The following DNAJC10 variants were observed in gnomAD, a reference collection of about 807,000 sequenced individuals.
DNAJC10 encodes DnaJ heat shock protein family (Hsp40) member C10, also known as endoplasmic reticulum disulfide reductase DNAJC10.
DNAJC10 carries 101 observed loss-of-function variants against 115.0 expected under a neutral mutation model. The observed-to-expected ratio is 0.88, with a 90% CI of 0.75 to 1.04. The LOEUF (loss-of-function observed/expected upper bound fraction) is 1.04. Ranked by LOEUF, DNAJC10 falls within the 50% of genes least tolerant of loss-of-function variation. The probability of loss-of-function intolerance (pLI) is 0.00; values close to 1 mark genes in which losing one functional copy is unlikely to be tolerated. For missense variants in DNAJC10, 981 were observed against 928.8 expected (o/e 1.06, Z -0.73); for synonymous variants, 307 against 301.5 (o/e 1.02, Z -0.19).
chr2:182,767,626 C>T, intron 22 of DNAJC10, among the ~76,000 whole-genome samples: 1 of 152,002 alleles, frequency 6.6e-6, no homozygotes, highest in South Asian at 2.1e-4. Context: ...GCAGTGAATG[C>T]CAAGAATGAG....
chr2:182,751,630 T>C, intron 14 of DNAJC10, 28 bp from the exon 15 acceptor site: 1 of 1,603,596 alleles, frequency 6.2e-7, no homozygotes, highest in Non-Finnish European at 8.5e-7. Context: ...AGAATTTGGA[T>C]TTGAATTTCT....
chr2:182,752,728 AAT>A, intron 16 of DNAJC10: 1 of 197,930 alleles, frequency 5.1e-6, no homozygotes, highest in African/African-American at 2.4e-5. Flanking sequence ...AAAAAAAAAA[AAT>A]CAATCCTATA....
At chr2:182,730,005 A>T in intron 8 of DNAJC10, 64 bp downstream of exon 8, 2 of 1,074,912 alleles carry the variant, frequency 1.9e-6, no homozygotes, top group Non-Finnish European at 1.4e-6. Context: ...TTTGTTTTTA[A>T]TGGCAATATT....
At chr2:182,747,208 A>G (rs1403396725) in intron 14 of DNAJC10, among the ~76,000 whole-genome samples, 5 of 150,664 alleles carry the variant, frequency 3.3e-5, no homozygotes, top group African/African-American at 1.2e-4. Flanking sequence ...TGACTTGGCA[A>G]TGCGGGCTCT....
intron 19 of DNAJC10, among the ~76,000 whole-genome samples, chr2:182,758,365 A>G (rs1559019709): frequency 6.6e-6 from 1 of 152,208 alleles, no homozygotes. Context: ...ACTCAAATGT[A>G]AGGTACATAT....
At chr2:182,739,967 G>C (rs1693689796) in intron 11 of DNAJC10, 6 of 996,050 alleles carry the variant, frequency 6.0e-6, no homozygotes, top group Non-Finnish European at 7.2e-6. Context: ...AGATAATGTG[G>C]TTTTTCTTGA....
chr2:182,729,903 T>C lies in DNAJC10; in HGVS notation c.689T>C (p.Met230Thr). The change falls in exon 8 of 24, where the codon ATG becomes ACG. Residue 230 changes from methionine to threonine, a missense_variant. Met to Thr is a moderately conservative substitution (Grantham distance 81). Transcript: ENST00000264065. ...AAGGAGAGTTTAGTGAGTTTTGCAA[T>C]GCAGCATGTTAGAAGTACAGTGACA... ...RSKESLVSFA[M>T]QHVRSTVTEL... 1 of 1,610,396 alleles carries C rather than the reference T, an allele frequency of 6.2e-7. No homozygotes were observed. Among genetic ancestry groups the C allele is most frequent in the Non-Finnish European group, 8.5e-7 (1 of 1,178,320 alleles).
In DNAJC10 at chr2:182,779,591, T is replaced by A. The variant is rs773940058; in HGVS notation, c.*2459T>A. The stretch of plus-strand genomic sequence containing the variant: ...AAGACCCCATCTCTAATAAATAAAT[T>A]ATGTTTTGGGCATTAATGATGTTTG... On this transcript the variant is annotated 3_prime_UTR_variant, in exon 24 of 24. Transcript: ENST00000264065. 5.9e-5 allele frequency: 9 copies of A among 152,160 alleles called. No individual in the cohort carries two copies. The highest frequency in any genetic ancestry group is 1.0e-4 in the Non-Finnish European group (7 of 68,026). The allele number at this position is 152,160 out of a possible 1,614,324, so 9.4% of individuals were successfully genotyped here.
At chr2:182,776,726 A>C (rs1055694484) in intron 23 of DNAJC10, among the ~76,000 whole-genome samples, 4 of 152,222 alleles carry the variant, frequency 2.6e-5, no homozygotes, top group Admixed American at 2.0e-4. Context: ...TCCACTGAAC[A>C]AACATGTTTT....
At chr2:182,728,722 GA>G (rs2105620374) in intron 6 of DNAJC10, 64 bp downstream of exon 6, 2 of 1,479,650 alleles carry the variant, frequency 1.4e-6, no homozygotes, top group South Asian at 2.5e-5. Flanking sequence ...TTATATGTTA[GA>G]ATTTTTTTTT....
chr2:182,724,892 A>G (rs1211342348), intron 5 of DNAJC10, among the ~76,000 whole-genome samples: 2 of 152,242 alleles, frequency 1.3e-5, no homozygotes, highest in African/African-American at 4.8e-5. Flanking sequence ...GTGCTCGATG[A>G]AGACAAAGTA....
rs921437531 is a variant in DNAJC10, at chr2:182,793,906, G to C, written c.*16774G>C. The C allele has an allele frequency of 1.3e-5, 2 of 151,068 alleles. No homozygotes were observed. The highest frequency in any genetic ancestry group is 2.9e-5 in the Non-Finnish European group (2 of 68,040). 9.4% of individuals were successfully genotyped at this position (151,068 alleles called of 1,614,324 possible). ...AACAATTAGAAAGTAATTGGAGCTT[G>C]AAGTATTCTAGAAGACTTTGGAGCA... On this transcript the variant is annotated 3_prime_UTR_variant, in exon 24 of 24. Transcript: ENST00000264065.
In DNAJC10 at chr2:182,755,072, C is replaced by A; in HGVS notation, c.1621C>A (p.His541Asn). Residue 541 changes from histidine (H) to asparagine (N), a missense_variant, in exon 17 of 24, where the codon CAC becomes AAC. Coordinates refer to ENST00000264065, the MANE Select transcript of DNAJC10 (RefSeq NM_018981.4). ...CAACATTCATGAGTATGAAGGACAT[C>A]ACTCTGCTGAACAAATCTTGGAGTT... ...QSNIHEYEGH[H>N]SAEQILEFIE... is the part of the protein sequence containing the mutation. The A allele has an allele frequency of 3.7e-6, 6 of 1,608,192 alleles. No individual in the cohort carries two copies. The highest frequency in any genetic ancestry group is 5.1e-6 in the Non-Finnish European group (6 of 1,174,886).
At position 182,778,993 on chromosome 2, in the gene DNAJC10, G is replaced by C. The variant is rs1694779188; in HGVS notation, c.*1861G>C. On this transcript the variant is annotated 3_prime_UTR_variant, in exon 24 of 24. Transcript: ENST00000264065. ...ATCTTCCAACTGTCTGTAATTCACT[G>C]TTTTGTCATTGAGCTCATAAGGTAC... 6.6e-6 allele frequency: 1 copy of C among 152,120 alleles called. No individual in the cohort carries two copies. 9.4% of individuals were successfully genotyped at this position (152,120 alleles called of 1,614,324 possible).
At chr2:182,756,993 T>C (rs766970319) in intron 18 of DNAJC10, among the ~76,000 whole-genome samples, 4 of 152,182 alleles carry the variant, frequency 2.6e-5, no homozygotes, top group Non-Finnish European at 1.5e-5. Context: ...ATTTACCTCA[T>C]ATTTGTTTCA....
In DNAJC10 at chr2:182,784,773, G is replaced by A. The variant is rs1694917246; in HGVS notation, c.*7641G>A. On this transcript the variant is annotated 3_prime_UTR_variant, in exon 24 of 24. Transcript: ENST00000264065. ...CTGCTAAAGTAGCACCTATTCTTTTGAAAGGAACTTTCTCAAAGGATTTTT... is the reference window on the plus strand; with the variant it reads ...CTGCTAAAGTAGCACCTATTCTTTTAAAAGGAACTTTCTCAAAGGATTTTT... 6.6e-6 allele frequency: 1 copy of A among 152,094 alleles called. No individual in the cohort carries two copies. The highest frequency in any genetic ancestry group is 1.5e-5 in the Non-Finnish European group (1 of 68,010). The allele number at this position is 152,094 out of a possible 1,614,324, so 9.4% of individuals were successfully genotyped here.
intron 5 of DNAJC10, 130 bp downstream of exon 5, chr2:182,722,205 A>G (rs1030436157): frequency 1.7e-6 from 1 of 592,334 alleles, no homozygotes; most frequent in Non-Finnish European, 3.0e-6. Flanking sequence ...AATATACTGT[A>G]TCTTAAATAT....
intron 4 of DNAJC10, among the ~76,000 whole-genome samples, 155 bp from the exon 5 acceptor site, chr2:182,721,869 AC>A (rs567208054): frequency 6.6e-6 from 1 of 152,138 alleles, no homozygotes; most frequent in Non-Finnish European, 1.5e-5. Flanking sequence ...AGTATTATTT[AC>A]TTTTTTTTCA....
At chr2:182,766,401 G>T (rs1694413016) in intron 22 of DNAJC10, among the ~76,000 whole-genome samples, 2 of 152,174 alleles carry the variant, frequency 1.3e-5, no homozygotes, top group Admixed American at 1.3e-4. Flanking sequence ...AACAAAGCTA[G>T]TAGGGGTTCA....
Sources: allele counts gnomAD v4.1 joint callset (sites outside exome capture counted in the v4.1 genomes callset), GRCh38; gene constraint gnomAD v4.1.1; transcripts MANE v1.5; gene names NCBI Gene and HGNC (gene_info 2026-07-23, HGNC 2026-07-21).